The following CSMD1 variants were observed in gnomAD, a reference collection of about 807,000 sequenced individuals.
The protein encoded by CSMD1 is CUB and sushi domain-containing protein 1.
A neutral mutation model predicts 417.5 loss-of-function variants in CSMD1; 213 were observed. The observed-to-expected ratio is 0.51, with a 90% confidence interval of 0.46 to 0.57. CSMD1 has a LOEUF of 0.57. CSMD1 is among the 20% of genes least tolerant of loss of function. CSMD1 has a pLI of 0.00. For synonymous variants in CSMD1, 2,862 were observed against 1,736.8 expected (o/e 1.65, Z -16.11); for missense variants, 6,923 against 4,529.7 (o/e 1.53, Z -15.17).
rs200877988 is a variant in CSMD1 at position 4,951,588 on chromosome 8, AAAAAG to A, written c.85+42739_85+42743del. Reference sequence around the variant, plus strand: ...AAATAAAAAAGAAAAGAAGCAAAAAAAAAAGAAAAACCTGCGGGGTTTTTTTAATG... The same window carrying A: ...AAATAAAAAAGAAAAGAAGCAAAAAAAAAAACCTGCGGGGTTTTTTTAATG... On this transcript the variant is annotated intron_variant, in intron 1 of 69. Transcript: ENST00000635120. Among the ~76,000 whole-genome samples the A allele has an allele frequency of 1.1e-3, 153 of 137,788 alleles. 5 individuals carry two copies. In the East Asian group the frequency reaches 0.026, roughly 23 times the overall value. 90.4% of individuals were successfully genotyped at this position (137,788 alleles called of 152,430 possible). A position where few individuals can be genotyped will look rare whatever the true frequency, so the allele number is the denominator to read the frequency against.
Position 4,115,126 on chromosome 8 carries a change from C to G in CSMD1, c.416-83027G>C, listed in dbSNP as rs73173862. On this transcript the variant is annotated intron_variant, in intron 3 of 69. Coordinates refer to ENST00000635120, the MANE Select transcript of CSMD1 (RefSeq NM_033225.6). Reference sequence around the variant, plus strand: ...AGATAAATCTTTCATGAAAAAAAGTCCATAGATGAGGCAAAATATCAATAT... The same window carrying G: ...AGATAAATCTTTCATGAAAAAAAGTGCATAGATGAGGCAAAATATCAATAT... 5.0e-3 allele frequency among the ~76,000 whole-genome samples: 757 copies of G among 152,212 alleles called. 5 individuals carry two copies. Among genetic ancestry groups the G allele is most frequent in the Middle Eastern group, 0.01 (3 of 294 alleles).
chr8:3,919,674 C>T (rs1015098670), intron 5 of CSMD1, among the ~76,000 whole-genome samples: 1 of 151,972 alleles, frequency 6.6e-6, no homozygotes, highest in Non-Finnish European at 1.5e-5. Context: ...TGTAAAAATG[C>T]CATTGGAATT....
At chr8:3,492,146 G>A (rs916165674) in intron 11 of CSMD1, among the ~76,000 whole-genome samples, 8 of 152,164 alleles carry the variant, frequency 5.3e-5, no homozygotes, top group African/African-American at 1.9e-4. Context: ...AACCTATTGG[G>A]ACTGAAACGG....
At chr8:4,854,140 T>C (rs1344396689) in intron 1 of CSMD1, among the ~76,000 whole-genome samples, 4 of 152,110 alleles carry the variant, frequency 2.6e-5, no homozygotes, top group Admixed American at 2.0e-4. Context: ...AGTTAAGATT[T>C]TGGGGGCTAT....
chr8:4,162,230 T>G (rs1797215744), intron 3 of CSMD1, among the ~76,000 whole-genome samples: 3 of 152,368 alleles, frequency 2.0e-5, no homozygotes, highest in Admixed American at 1.3e-4. Context: ...ATGTTACCAG[T>G]ATTCATCTAA....
chr8:4,307,871 G>A (rs560780360), intron 3 of CSMD1, among the ~76,000 whole-genome samples: 1 of 152,154 alleles, frequency 6.6e-6, no homozygotes, highest in African/African-American at 2.4e-5. Context: ...CACTGAGCAA[G>A]AAGTGTTCAG....
At chr8:3,243,164 G>A (rs1388046713) in intron 26 of CSMD1, among the ~76,000 whole-genome samples, 1 of 152,140 alleles carries the variant, frequency 6.6e-6, no homozygotes, top group Non-Finnish European at 1.5e-5. Flanking sequence ...AGAGTAAGAG[G>A]CCGCTTACCC....
intron 5 of CSMD1, among the ~76,000 whole-genome samples, chr8:3,879,189 C>A (rs1806040013): frequency 6.6e-6 from 1 of 152,042 alleles, no homozygotes; most frequent in Non-Finnish European, 1.5e-5. Flanking sequence ...TTACAGCACA[C>A]TTCTCTTTGC....
intron 15 of CSMD1, among the ~76,000 whole-genome samples, chr8:3,403,299 A>G (rs1047216504): frequency 2.0e-5 from 3 of 151,994 alleles, no homozygotes; most frequent in Non-Finnish European, 4.4e-5. Context: ...CTTCATTGCT[A>G]TTTTATTTTT....
chr8:4,429,871 T>G (rs891091207), intron 2 of CSMD1, among the ~76,000 whole-genome samples: 6 of 152,130 alleles, frequency 3.9e-5, no homozygotes, highest in African/African-American at 1.4e-4. Flanking sequence ...TTCTATGAAA[T>G]GAGGGAATCC....
chr8:3,699,889 C>G (rs528654334), intron 7 of CSMD1, among the ~76,000 whole-genome samples: 1 of 131,164 alleles, frequency 7.6e-6, no homozygotes, highest in African/African-American at 2.8e-5. Flanking sequence ...ATAGCTACAT[C>G]CCTGGGTTAT....
rs952912166 is a variant in CSMD1, at chr8:4,455,817, G to A, written c.303-35752C>T. 2.7e-5 allele frequency among the ~76,000 whole-genome samples: 4 copies of A among 150,404 alleles called. No individual in the cohort carries two copies. The South Asian group carries it at 8.4e-4, about 32-fold the overall frequency. On this transcript the variant is annotated intron_variant, in intron 2 of 69. Transcript: ENST00000635120. ...GTGGTGGCATGTGCCTGGAATCCCA[G>A]CTACTCAGGAGGCTGAGGCAAGATA...
At chr8:3,223,139 T>C (rs1249829723) in intron 28 of CSMD1, among the ~76,000 whole-genome samples, 2 of 152,186 alleles carry the variant, frequency 1.3e-5, no homozygotes, top group East Asian at 3.9e-4. Context: ...ACTAATAATA[T>C]AATTATTTAA....
At chr8:3,447,257 CT>C in intron 12 of CSMD1, among the ~76,000 whole-genome samples, 1 of 151,962 alleles carries the variant, frequency 6.6e-6, no homozygotes, top group East Asian at 1.9e-4. Flanking sequence ...TAGCAGCACA[CT>C]TTTTTATGAC....
At chr8:4,754,964 C>T (rs1811576541) in intron 1 of CSMD1, among the ~76,000 whole-genome samples, 1 of 152,092 alleles carries the variant, frequency 6.6e-6, no homozygotes, top group South Asian at 2.1e-4. Context: ...TAGTGAAACC[C>T]TGTCTCTACT....
At chr8:3,891,687 C>G (rs984399443) in intron 5 of CSMD1, among the ~76,000 whole-genome samples, 2 of 93,812 alleles carry the variant, frequency 2.1e-5, no homozygotes, top group Admixed American at 2.8e-4. Context: ...TGTCTCAAAA[C>G]GAAAAAAAAA....
chr8:4,848,833 C>T (rs187950138), intron 1 of CSMD1, among the ~76,000 whole-genome samples: 4 of 152,312 alleles, frequency 2.6e-5, no homozygotes, highest in South Asian at 2.1e-4. Context: ...CGTGAGCCAA[C>T]GCGCCCAACC....
chr8:4,422,264 T>C (rs182701443), intron 2 of CSMD1, among the ~76,000 whole-genome samples: 3 of 152,070 alleles, frequency 2.0e-5, no homozygotes, highest in Non-Finnish European at 4.4e-5. Flanking sequence ...TGTAAGTGGA[T>C]AGAATGCTTT....
At chr8:3,643,005 G>T (rs980059040) in intron 7 of CSMD1, among the ~76,000 whole-genome samples, 5 of 151,988 alleles carry the variant, frequency 3.3e-5, no homozygotes, top group Non-Finnish European at 7.4e-5. Context: ...AAAAATAGAT[G>T]TAAGAAATTT....
Sources: allele counts gnomAD v4.1 joint callset (sites outside exome capture counted in the v4.1 genomes callset), GRCh38; gene constraint gnomAD v4.1.1; transcripts MANE v1.5; gene names NCBI Gene and HGNC (gene_info 2026-07-23, HGNC 2026-07-21).